Variants in FAM120B observed in about 807,000 individuals in gnomAD.
FAM120B encodes constitutive coactivator of peroxisome proliferator-activated receptor gamma.
FAM120B carries 83 observed loss-of-function variants against 96.3 expected under a neutral mutation model. That is an observed-to-expected ratio of 0.86 (90% CI 0.72 to 1.03). FAM120B has a LOEUF of 1.03. FAM120B is among the 50% of genes least tolerant of loss of function. The pLI, the probability that FAM120B is intolerant of heterozygous loss-of-function variation, is 0.00. For synonymous variants in FAM120B, 407 were observed against 402.7 expected (o/e 1.01, Z -0.13); for missense variants, 1,027 against 1,121.2 (o/e 0.92, Z 1.20).
At chr6:170,328,881 T>C (rs897645836) in intron 3 of FAM120B, among the ~76,000 whole-genome samples, 1 of 152,250 alleles carries the variant, frequency 6.6e-6, no homozygotes, top group Non-Finnish European at 1.5e-5. Flanking sequence ...CTCTACCTGC[T>C]CCTTCCGAGA....
upstream of FAM120B, chr6:170,290,820 GA>G (rs1783846063): frequency 3.2e-6 from 2 of 615,554 alleles, no homozygotes; most frequent in Non-Finnish European, 5.8e-6. The surrounding 1 kb of genome is among the most constrained non-coding windows in gnomAD (Gnocchi z 4.7). Context: ...ACACGCGCAG[GA>G]CCGGAGGGGC....
chr6:170,316,735 C>A (rs980733086), intron 1 of FAM120B, among the ~76,000 whole-genome samples: 8 of 152,180 alleles, frequency 5.3e-5, no homozygotes, highest in Admixed American at 6.5e-5. Flanking sequence ...TAAGTTTTAA[C>A]ATATGCATAC....
intron 4 of FAM120B, among the ~76,000 whole-genome samples, chr6:170,333,283 GC>G (rs1388296999): frequency 6.6e-6 from 1 of 151,786 alleles, no homozygotes; most frequent in Non-Finnish European, 1.5e-5. Context: ...TATAAAAGAG[GC>G]CCCTTCTTCC....
chr6:170,304,350 C>G (rs538227673), upstream of FAM120B, among the ~76,000 whole-genome samples: 4 of 152,294 alleles, frequency 2.6e-5, no homozygotes, highest in African/African-American at 9.6e-5. Context: ...TCAGGAAACT[C>G]TGAAGATCTT....
intron 1 of FAM120B, among the ~76,000 whole-genome samples, chr6:170,300,745 C>G (rs1488352355): frequency 6.6e-6 from 1 of 152,208 alleles, no homozygotes; most frequent in Non-Finnish European, 1.5e-5. Context: ...AGGCCCCATG[C>G]AAGTCCAAAA....
rs541953231 is a variant in FAM120B, at chr6:170,309,280, A to G, written c.-22+2438A>G. On this transcript the variant is annotated intron_variant, in intron 1 of 10. Transcript: ENST00000476287. Reference sequence around the variant, plus strand: ...AAGTTTAAATTATTTATGCAAAGATAGGTATTTCTAAGGAATTTTTTAGTA... The same window carrying G: ...AAGTTTAAATTATTTATGCAAAGATGGGTATTTCTAAGGAATTTTTTAGTA... Among the ~76,000 whole-genome samples, 65 of 152,252 alleles carry G rather than the reference A, an allele frequency of 4.3e-4. 2 individuals are homozygous for G. In the South Asian group the frequency reaches 0.013, roughly 32 times the overall value.
Position 170,336,229 on chromosome 6 carries a change from G to A in FAM120B, c.2017+5679G>A, listed in dbSNP as rs140232011. Reference sequence around the variant, plus strand: ...CATCTTGAGTTAATTTTTGTATAAGGTATAAGGAAGGGGTCCAGCTTCTGT... The same window carrying A: ...CATCTTGAGTTAATTTTTGTATAAGATATAAGGAAGGGGTCCAGCTTCTGT... On this transcript the variant is annotated intron_variant, in intron 4 of 10. Coordinates refer to ENST00000476287, the MANE Select transcript of FAM120B (RefSeq NM_032448.3). 4.9e-3 allele frequency among the ~76,000 whole-genome samples: 741 copies of A among 152,236 alleles called. 8 individuals are homozygous for A. Among genetic ancestry groups the A allele is most frequent in the African/African-American group, 0.017 (708 of 41,540 alleles).
rs774623810 is a variant in FAM120B at position 170,360,715 on chromosome 6, G to A, written c.2283+2397G>A. ...TCTGAGAATTGTGACTGGGCAGCTT[G>A]TGATCCCTGAGGTCACTTAGGAAAA... On this transcript the variant is annotated intron_variant, in intron 6 of 10. Coordinates refer to ENST00000476287, the MANE Select transcript of FAM120B (RefSeq NM_032448.3). 2.0e-5 allele frequency among the ~76,000 whole-genome samples: 3 copies of A among 152,178 alleles called. 1 individual carries two copies. In the South Asian group the frequency reaches 6.2e-4, roughly 31 times the overall value.
intron 4 of FAM120B, among the ~76,000 whole-genome samples, chr6:170,339,691 A>G (rs1786682108): frequency 6.6e-6 from 1 of 151,676 alleles, no homozygotes; most frequent in Admixed American, 6.6e-5. Context: ...AGGCAGGAGA[A>G]TCACTTGAGC....
Position 170,401,876 on chromosome 6 carries a change from T to C in FAM120B, c.2693-2674T>C, listed in dbSNP as rs544405102. Among the ~76,000 whole-genome samples, 6 of 152,316 alleles carry C rather than the reference T, an allele frequency of 3.9e-5. 1 individual carries two copies. In the East Asian group the frequency reaches 7.7e-4, roughly 20 times the overall value. ...TGGTTCCAAGCATTTCAGAAAGGGG[T>C]TACTCAGCCTGTAGTAAACAACCCA... On this transcript the variant is annotated intron_variant, in intron 9 of 10. Transcript: ENST00000476287.
intron 4 of FAM120B, among the ~76,000 whole-genome samples, chr6:170,335,974 A>G (rs1381031552): frequency 6.6e-6 from 1 of 152,158 alleles, no homozygotes; most frequent in Non-Finnish European, 1.5e-5. Context: ...TAGATTGCAA[A>G]AATTTTCCCC....
intron 1 of FAM120B, among the ~76,000 whole-genome samples, chr6:170,309,385 G>A (rs1329600067): frequency 6.6e-6 from 1 of 152,126 alleles, no homozygotes; most frequent in African/African-American, 2.4e-5. Context: ...TGTACAAAGA[G>A]GTTAAATGAT....
intron 1 of FAM120B, among the ~76,000 whole-genome samples, chr6:170,296,125 G>T (rs1447809550): frequency 6.6e-6 from 1 of 152,108 alleles, no homozygotes; most frequent in East Asian, 1.9e-4. Context: ...TCAGATTACC[G>T]CAGCAGCTGC....
At chr6:170,381,597 C>G in intron 6 of FAM120B, among the ~76,000 whole-genome samples, 1 of 152,014 alleles carries the variant, frequency 6.6e-6, no homozygotes, top group East Asian at 1.9e-4. Flanking sequence ...AGGCCATTAT[C>G]CCTTTTGAAT....
chr6:170,327,335 C>T (rs928599987), intron 3 of FAM120B, among the ~76,000 whole-genome samples: 14 of 152,184 alleles, frequency 9.2e-5, no homozygotes, highest in East Asian at 5.8e-4. Context: ...CGTGAGCCAC[C>T]GCGCCCGGCC....
chr6:170,397,498 G>T (rs1778237326), intron 9 of FAM120B, among the ~76,000 whole-genome samples: 1 of 152,144 alleles, frequency 6.6e-6, no homozygotes, highest in African/African-American at 2.4e-5. Flanking sequence ...GCAGCTCTGT[G>T]TGAATCTGGA....
intron 6 of FAM120B, among the ~76,000 whole-genome samples, chr6:170,379,990 T>G (rs910119901): frequency 2.6e-5 from 4 of 152,182 alleles, no homozygotes; most frequent in African/African-American, 7.2e-5. Flanking sequence ...ACTCTGTCCT[T>G]GGACTCACTT....
chr6:170,350,962 G>C (rs1363157322), intron 5 of FAM120B, among the ~76,000 whole-genome samples: 2 of 152,242 alleles, frequency 1.3e-5, no homozygotes, highest in African/African-American at 4.8e-5. Context: ...GACAGAAGTA[G>C]GCTTCAGAAG....
chr6:170,293,562 G>A (rs554764253), upstream of FAM120B, among the ~76,000 whole-genome samples: 14 of 152,180 alleles, frequency 9.2e-5, 1 homozygote, highest in South Asian at 2.7e-3. Context: ...TGCCCAAAGC[G>A]TTCATTCTTT....
Sources: allele counts gnomAD v4.1 joint callset (sites outside exome capture counted in the v4.1 genomes callset), GRCh38; gene constraint gnomAD v4.1.1; non-coding constraint Gnocchi (gnomAD v3.1); transcripts MANE v1.5; gene names NCBI Gene and HGNC (gene_info 2026-07-23, HGNC 2026-07-21).